Variants in UBN2 observed in about 807,000 individuals in gnomAD.
The protein encoded by UBN2 is ubinuclein-2.
In UBN2, 35 loss-of-function variants were observed where a neutral mutation model predicts 120.2. The observed-to-expected ratio is 0.29, with a 90% confidence interval of 0.22 to 0.39. The LOEUF (loss-of-function observed/expected upper bound fraction) is 0.39. Ranked by LOEUF, UBN2 falls within the 10% of genes least tolerant of loss-of-function variation. UBN2 has a pLI of 1.00. For missense variants in UBN2, 1,693 were observed against 1,663.2 expected, an observed-to-expected ratio of 1.02 and a Z score of -0.31; for synonymous variants, 661 against 648.7, an observed-to-expected ratio of 1.02 and a Z score of -0.29.
chr7:139,315,067 C>T, the UBN2 span, among the ~76,000 whole-genome samples: 1 of 151,874 alleles, frequency 6.6e-6, no homozygotes, highest in Non-Finnish European at 1.5e-5. Context: ...GCTCCGCCTC[C>T]CGGGTTCACG....
the UBN2 span, among the ~76,000 whole-genome samples, chr7:139,324,665 C>T: frequency 1.1e-3 from 170 of 148,936 alleles, 1 homozygote; most frequent in African/African-American, 4.0e-3. Context: ...CCTGAAATAA[C>T]GTGCTAAAGA....
rs957272016 is a variant in UBN2 at position 139,305,612 on chromosome 7, C to T, written c.*7776C>T. 4 of 152,088 alleles carry T rather than the reference C, an allele frequency of 2.6e-5. No homozygotes were observed. Among genetic ancestry groups the T allele is most frequent in the Admixed American group, 6.6e-5 (1 of 15,266 alleles). The allele number at this position is 152,088 out of a possible 1,614,324, so 9.4% of individuals were successfully genotyped here. A position where few individuals can be genotyped will look rare whatever the true frequency, so the allele number is the denominator to read the frequency against. ...TCCTGTGTATCTCCATTTCATAGTG[C>T]GTTAGTACTTAAACTTCGGACACTT... On this transcript the variant is annotated 3_prime_UTR_variant, in exon 18 of 18. Coordinates refer to ENST00000473989, the MANE Select transcript of UBN2 (RefSeq NM_173569.4).
In UBN2 at chr7:139,232,293, G is replaced by A. The variant is rs76590427; in HGVS notation, c.468+341G>A. Among the ~76,000 whole-genome samples the A allele has an allele frequency of 4.3e-4, 65 of 152,374 alleles. 1 individual carries two copies. In the East Asian group the frequency reaches 0.012, roughly 27 times the overall value. ...ACAAAATCCTGGGGCCCTGCAGGCCGTGTGGCTGGGTTCTCCCTGTGGCGC... is the reference window on the plus strand; with the variant it reads ...ACAAAATCCTGGGGCCCTGCAGGCCATGTGGCTGGGTTCTCCCTGTGGCGC... On this transcript the variant is annotated intron_variant, in intron 1 of 17. Transcript: ENST00000473989.
chr7:139,259,235 A>C (rs1460180726), intron 4 of UBN2, 32 bp from the exon 5 acceptor site: 1 of 1,607,158 alleles, frequency 6.2e-7, no homozygotes, highest in South Asian at 1.1e-5. Flanking sequence ...ATTGTTACTT[A>C]CATAAATGAT....
intron 12 of UBN2, among the ~76,000 whole-genome samples, chr7:139,278,338 C>T (rs1275315262): frequency 5.9e-5 from 9 of 151,988 alleles, no homozygotes; most frequent in African/African-American, 1.9e-4. Flanking sequence ...TGCGCCACCA[C>T]GCCTGGCTAA....
At chr7:139,235,670 G>T (rs1481872302) in intron 1 of UBN2, among the ~76,000 whole-genome samples, 1 of 152,190 alleles carries the variant, frequency 6.6e-6, no homozygotes, top group African/African-American at 2.4e-5. Flanking sequence ...GCCTCCCAAA[G>T]TGCTGGGATT....
intron 3 of UBN2, among the ~76,000 whole-genome samples, chr7:139,256,122 CAA>C (rs1345010496): frequency 1.3e-5 from 2 of 152,164 alleles, no homozygotes; most frequent in Non-Finnish European, 2.9e-5. Flanking sequence ...TAAATATTCA[CAA>C]AGAGTGTATT....
chr7:139,256,049 A>G (rs892345458), intron 3 of UBN2, among the ~76,000 whole-genome samples: 4 of 152,222 alleles, frequency 2.6e-5, no homozygotes, highest in African/African-American at 9.6e-5. Context: ...ATCTAAATCC[A>G]GGCCTTTTGA....
chr7:139,260,823 A>T (rs1193298462), intron 5 of UBN2, among the ~76,000 whole-genome samples: 3 of 152,132 alleles, frequency 2.0e-5, no homozygotes, highest in Non-Finnish European at 2.9e-5. Flanking sequence ...TAACTTATTC[A>T]TTTATTCAGC....
At chr7:139,258,017 AC>A (rs1471627321) in intron 3 of UBN2, among the ~76,000 whole-genome samples, 2 of 151,306 alleles carry the variant, frequency 1.3e-5, no homozygotes, top group Non-Finnish European at 3.0e-5. Context: ...CAGGTGATCC[AC>A]CCGCCTCAGC....
intron 12 of UBN2, chr7:139,276,368 C>G: frequency 5.8e-6 from 3 of 516,500 alleles, no homozygotes; most frequent in Non-Finnish European, 6.9e-6. Flanking sequence ...GCCTGGGATT[C>G]TGGTAGTAGG....
intron 15 of UBN2, among the ~76,000 whole-genome samples, chr7:139,286,152 T>C (rs1466858546): frequency 6.6e-6 from 1 of 152,208 alleles, no homozygotes; most frequent in Non-Finnish European, 1.5e-5. Flanking sequence ...GATCTTGAAC[T>C]CCTGACCCCA....
At chr7:139,265,215 G>C (rs1018160581) in intron 6 of UBN2, among the ~76,000 whole-genome samples, 1 of 151,878 alleles carries the variant, frequency 6.6e-6, no homozygotes, top group Non-Finnish European at 1.5e-5. Context: ...TAAAATATTG[G>C]CCGGGCGCAG....
At chr7:139,253,181 A>G (rs1796666313) in intron 3 of UBN2, among the ~76,000 whole-genome samples, 1 of 152,208 alleles carries the variant, frequency 6.6e-6, no homozygotes, top group South Asian at 2.1e-4. Flanking sequence ...CACCCATTTG[A>G]TGTACATCTA....
At chr7:139,327,190 C>T in the UBN2 span, among the ~76,000 whole-genome samples, 3 of 152,126 alleles carry the variant, frequency 2.0e-5, no homozygotes, top group Non-Finnish European at 2.9e-5. Flanking sequence ...TGTGCCACCA[C>T]ACCCAGCTAA....
chr7:139,326,245 G>T, the UBN2 span, among the ~76,000 whole-genome samples: 1 of 151,462 alleles, frequency 6.6e-6, no homozygotes, highest in African/African-American at 2.5e-5. Flanking sequence ...AACAGAGCAA[G>T]ACTCTGTCTC....
the UBN2 span, among the ~76,000 whole-genome samples, chr7:139,322,517 C>T: frequency 1.3e-5 from 2 of 152,176 alleles, no homozygotes; most frequent in Admixed American, 1.3e-4. Flanking sequence ...GGGCCATGTC[C>T]CCTGGCCCTC....
At chr7:139,317,688 A>T in the UBN2 span, among the ~76,000 whole-genome samples, 4 of 151,348 alleles carry the variant, frequency 2.6e-5, no homozygotes, top group African/African-American at 9.7e-5. Context: ...TTTGAGACAG[A>T]GTGTCACTCT....
chr7:139,238,777 A>G (rs1011696599), intron 2 of UBN2, among the ~76,000 whole-genome samples: 2 of 152,120 alleles, frequency 1.3e-5, no homozygotes, highest in South Asian at 4.1e-4. Flanking sequence ...CCGAGACCCT[A>G]TTGTTCTCTA....
Sources: gnomAD v4.1 joint callset for allele counts (sites outside exome capture counted in the v4.1 genomes callset) on GRCh38, gnomAD v4.1.1 for gene constraint, MANE v1.5 for transcripts, NCBI Gene and HGNC (gene_info 2026-07-23, HGNC 2026-07-21) for gene names.